The following ZNF426 variants were observed in gnomAD, a reference collection of about 807,000 sequenced individuals.
ZNF426 encodes the protein zinc finger protein 426, also known as CTC-543D15.7.
ZNF426 carries 23 observed loss-of-function variants against 24.0 expected under a neutral mutation model. The observed-to-expected ratio is 0.96, with a 90% CI of 0.69 to 1.36. The LOEUF (loss-of-function observed/expected upper bound fraction) is 1.36, where lower values mean the gene tolerates loss of function less well. Ranked by LOEUF, ZNF426 falls within the 40% of genes most tolerant of loss-of-function variation. The pLI, the probability that ZNF426 is intolerant of heterozygous loss-of-function variation, is 0.00. For synonymous variants in ZNF426, 272 were observed against 224.6 expected (o/e 1.21, Z -1.89); for missense variants, 646 against 658.4 (o/e 0.98, Z 0.21).
chr19:9,527,563 T>C lies in ZNF426; in HGVS notation c.*817A>G, dbSNP rs1280230468. The C allele has an allele frequency of 6.6e-6, 1 of 152,264 alleles. No individual in the cohort carries two copies. The highest frequency in any genetic ancestry group is 1.5e-5 in the Non-Finnish European group (1 of 68,046). 9.4% of individuals were successfully genotyped at this position (152,264 alleles called of 1,614,324 possible). A position where few individuals can be genotyped will look rare whatever the true frequency, so the allele number is the denominator to read the frequency against. On this transcript the variant is annotated 3_prime_UTR_variant, in exon 8 of 8. Coordinates refer to ENST00000253115, the MANE Select transcript of ZNF426 (RefSeq NM_024106.3). ...TCTCTCCTATGTGATTTCTCCTGTATGTAGAAAGGACTGAAGACTCAATGA... is the reference window on the plus strand; with the variant it reads ...TCTCTCCTATGTGATTTCTCCTGTACGTAGAAAGGACTGAAGACTCAATGA...
rs2073788404 is a variant in ZNF426 at position 9,526,000 on chromosome 19, A to C, written c.*2380T>G. ...CCACCACACCTGGAGTTTTAGTCAG[A>C]GCTTCAGTGACCTGGAGGAAGGGAA... is the stretch of plus-strand genomic sequence containing the variant. On this transcript the variant is annotated 3_prime_UTR_variant, in exon 8 of 8. Coordinates refer to ENST00000253115, the MANE Select transcript of ZNF426 (RefSeq NM_024106.3). 2.0e-5 allele frequency: 3 copies of C among 152,046 alleles called. No individual in the cohort carries two copies. The highest frequency in any genetic ancestry group is 7.3e-5 in the African/African-American group (3 of 41,360). 9.4% of individuals were successfully genotyped at this position (152,046 alleles called of 1,614,324 possible).
At chr19:9,531,910 G>C (rs377231085) in intron 6 of ZNF426, among the ~76,000 whole-genome samples, 1 of 152,086 alleles carries the variant, frequency 6.6e-6, no homozygotes, top group Admixed American at 6.6e-5. Context: ...GCATAAACCC[G>C]GGAGGTGGAG....
chr19:9,534,459 C>A (rs2073934770), intron 4 of ZNF426, among the ~76,000 whole-genome samples: 1 of 152,192 alleles, frequency 6.6e-6, no homozygotes, highest in African/African-American at 2.4e-5. Context: ...CCCCCTTCAG[C>A]CTCCCAAAGT....
chr19:9,528,403 GA>G lies in ZNF426; in HGVS notation c.1641del (p.Arg548GlufsTer14), dbSNP rs1568481125. The G allele has an allele frequency of 1.3e-6, 2 of 1,585,072 alleles. No individual in the cohort carries two copies. The highest frequency in any genetic ancestry group is 1.7e-6 in the Non-Finnish European group (2 of 1,167,544). The stretch of plus-strand genomic sequence containing the variant: ...CACTAGTGAATTTGTTCATGTCTTC[GA>G]AGTGAACGGGGATGACTGTAAGCTT... Reference protein sequence around the residue: ...CGKAYSHPRSLRRHEQIH With the variant: ...CGKAYSHPRSXRRHEQIH On this transcript the variant is annotated frameshift_variant, in exon 8 of 8. Coordinates refer to ENST00000253115, the MANE Select transcript of ZNF426 (RefSeq NM_024106.3). LOFTEE classifies it low-confidence loss of function (END_TRUNC).
chr19:9,532,098 C>T (rs994214636), intron 6 of ZNF426, among the ~76,000 whole-genome samples: 3 of 152,030 alleles, frequency 2.0e-5, no homozygotes, highest in South Asian at 2.1e-4. Flanking sequence ...TATGATTCTT[C>T]GATCTGGTAA....
At position 9,528,518 on chromosome 19, in the gene ZNF426, A is replaced by T. The variant is rs745716524; in HGVS notation, c.1527T>A (p.Cys509Ter). The T allele has an allele frequency of 4.9e-5, 79 of 1,614,000 alleles. No individual in the cohort carries two copies. Among genetic ancestry groups the T allele is most frequent in the Non-Finnish European group, 2.5e-6 (3 of 1,180,032 alleles). Reference sequence around the variant, plus strand: ...AACTGGAACACGTGAAGGCTTTCCCACACTCCTTGCATTCATAGGGTTTCT... The same window carrying T: ...AACTGGAACACGTGAAGGCTTTCCCTCACTCCTTGCATTCATAGGGTTTCT... ...TGEKPYECKE[C>*]GKAFTCSSSF... Residue 509 changes from cysteine (C) to a stop codon, truncating the protein, a stop_gained, in exon 8 of 8, where the codon TGT becomes TGA. Coordinates refer to ENST00000253115, the MANE Select transcript of ZNF426 (RefSeq NM_024106.3). LOFTEE classifies it low-confidence loss of function (END_TRUNC).
chr19:9,529,511 C>T lies in ZNF426; in HGVS notation c.534G>A (p.Gln178=). 1 of 1,613,352 alleles carries T rather than the reference C, an allele frequency of 6.2e-7. No individual in the cohort carries two copies. The highest frequency in any genetic ancestry group is 8.5e-7 in the Non-Finnish European group (1 of 1,180,018). Residue 178 remains glutamine (Q), a synonymous_variant, in exon 8 of 8, where the codon CAG becomes CAA. Transcript: ENST00000253115. ...QSTGNTHDCN[Q]YGKDFLTLCE... ...ACAGGGTAAGGAAATCTTTTCCATACTGATTACAGTCATGAGTGTTCCCTG... is the reference window on the plus strand; with the variant it reads ...ACAGGGTAAGGAAATCTTTTCCATATTGATTACAGTCATGAGTGTTCCCTG...
rs1364634352 is a variant in ZNF426 at position 9,524,312 on chromosome 19, A to T, written c.*4068T>A. 6.6e-6 allele frequency: 1 copy of T among 152,194 alleles called. No individual in the cohort carries two copies. The highest frequency in any genetic ancestry group is 2.4e-5 in the African/African-American group (1 of 41,442). The allele number at this position is 152,194 out of a possible 1,614,324, so 9.4% of individuals were successfully genotyped here. On this transcript the variant is annotated 3_prime_UTR_variant, in exon 8 of 8. Transcript: ENST00000253115. ...TGTGAATTCTTACAAGTTCATTATG[A>T]CCTGAGATAATAAAGAAGTGGTTCC...
chr19:9,536,621 A>G (rs1351155682), intron 2 of ZNF426: 2 of 265,978 alleles, frequency 7.5e-6, no homozygotes, highest in Non-Finnish European at 1.5e-5. Context: ...AGTTTTGCAC[A>G]CACACATAGA....
In ZNF426 at chr19:9,528,774, A is replaced by G. The variant is rs1439608930; in HGVS notation, c.1271T>C (p.Ile424Thr). The change falls in exon 8 of 8, where the codon ATA becomes ACA. Residue 424 changes from isoleucine to threonine, a missense_variant. Ile to Thr is a moderately conservative substitution (Grantham distance 89). Transcript: ENST00000253115. ...HTEEKACECK[I>T]CGKVFGYPSC... is the part of the protein sequence containing the mutation. ...GGGATACCCAAATACTTTCCCACATATCTTACACTCACAGGCCTTCTCTTC... is the reference window on the plus strand; with the variant it reads ...GGGATACCCAAATACTTTCCCACATGTCTTACACTCACAGGCCTTCTCTTC... 1.9e-6 allele frequency: 3 copies of G among 1,614,064 alleles called. No homozygotes were observed. In the East Asian group the frequency reaches 6.7e-5, roughly 36 times the overall value.
At chr19:9,536,950 C>T (rs1045622232) in intron 2 of ZNF426, among the ~76,000 whole-genome samples, 2 of 151,952 alleles carry the variant, frequency 1.3e-5, no homozygotes, top group Non-Finnish European at 2.9e-5. Context: ...CTAACCAACA[C>T]GGTGAAACTC....
rs1233011810 is a variant in ZNF426 at position 9,529,546 on chromosome 19, T to G, written c.499A>C (p.Thr167Pro). ...EHSCLKTHVR[T>P]QSTGNTHDCN... is the part of the protein sequence containing the mutation. Reference sequence around the variant, plus strand: ...TCATGAGTGTTCCCTGTACTTTGAGTTCTCACGTGCGTCTTAAGGCATGAG... The same window carrying G: ...TCATGAGTGTTCCCTGTACTTTGAGGTCTCACGTGCGTCTTAAGGCATGAG... Residue 167 changes from threonine (T) to proline (P), a missense_variant, in exon 8 of 8, where the codon ACT (threonine) becomes CCT (proline). Thr to Pro is a conservative substitution (Grantham distance 38, BLOSUM62 -1). Coordinates refer to ENST00000253115, the MANE Select transcript of ZNF426 (RefSeq NM_024106.3). 6.2e-7 allele frequency: 1 copy of G among 1,611,382 alleles called. No homozygotes were observed. Among genetic ancestry groups the G allele is most frequent in the East Asian group, 2.2e-5 (1 of 44,878 alleles).
intron 4 of ZNF426, among the ~76,000 whole-genome samples, chr19:9,534,982 C>T (rs1199250307): frequency 6.7e-6 from 1 of 149,824 alleles, no homozygotes; most frequent in Non-Finnish European, 1.5e-5. Context: ...TTGAGTGACA[C>T]TTTATTTGCT....
In ZNF426 at chr19:9,532,832, C is replaced by T; in HGVS notation, c.325+13G>A. On this transcript the variant is annotated intron_variant, in intron 6 of 7. Coordinates refer to ENST00000253115, the MANE Select transcript of ZNF426 (RefSeq NM_024106.3). ...CTTCTCATCAACCAGAGTTGTTCTT[C>T]ATGAACACTCACCTTGGAGAACTCC... 1.2e-6 allele frequency: 2 copies of T among 1,603,976 alleles called. No homozygotes were observed. Among genetic ancestry groups the T allele is most frequent in the Non-Finnish European group, 1.7e-6 (2 of 1,172,170 alleles).
In ZNF426 at chr19:9,528,672, T is replaced by G; in HGVS notation, c.1373A>C (p.Asn458Thr). The G allele has an allele frequency of 6.2e-7, 1 of 1,614,146 alleles. No individual in the cohort carries two copies. The change falls in exon 8 of 8, where the codon AAC becomes ACC. Residue 458 changes from asparagine to threonine, a missense_variant. Asn to Thr is a moderately conservative substitution (Grantham distance 65). Transcript: ENST00000253115. Reference protein sequence around the residue: ...YTCKECGKAFNYSTHLKIHMR... With the variant: ...YTCKECGKAFTYSTHLKIHMR... The stretch of plus-strand genomic sequence containing the variant: ...GTGAATTTTAAGGTGGGTGGAATAG[T>G]TAAAAGCCTTCCCACATTCCTTACA...
chr19:9,530,446 C>T (rs2073865934), intron 7 of ZNF426, among the ~76,000 whole-genome samples: 1 of 150,990 alleles, frequency 6.6e-6, no homozygotes. Context: ...ACAGCAAGAC[C>T]TTGTCTCGAC....
chr19:9,529,149 A>C lies in ZNF426; in HGVS notation c.896T>G (p.Met299Arg). ...TGGTTTCTCCCCAGTGTGGGTTCGCATGTGAATACTGAGGTAGGCTGGGTA... is the reference window on the plus strand; with the variant it reads ...TGGTTTCTCCCCAGTGTGGGTTCGCCTGTGAATACTGAGGTAGGCTGGGTA... Reference protein sequence around the residue: ...YRYPAYLSIHMRTHTGEKPYE... With the variant: ...YRYPAYLSIHRRTHTGEKPYE... Residue 299 changes from methionine to arginine, a missense_variant, in exon 8 of 8, where the codon ATG becomes AGG. By Grantham distance (91) the Met-to-Arg change is moderately conservative. Coordinates refer to ENST00000253115, the MANE Select transcript of ZNF426 (RefSeq NM_024106.3). 6.2e-7 allele frequency: 1 copy of C among 1,614,224 alleles called. No homozygotes were observed. Among genetic ancestry groups the C allele is most frequent in the South Asian group, 1.1e-5 (1 of 91,086 alleles).
chr19:9,525,338 G>A lies in ZNF426; in HGVS notation c.*3042C>T, dbSNP rs1161448907. On this transcript the variant is annotated 3_prime_UTR_variant, in exon 8 of 8. Transcript: ENST00000253115. ...TTTCAACATTTCTTATGCTGAAAGG[G>A]CATCTCTCCAGAGTAAATTTTCACA... 1.3e-5 allele frequency: 2 copies of A among 152,146 alleles called. No individual in the cohort carries two copies. Among genetic ancestry groups the A allele is most frequent in the Admixed American group, 6.5e-5 (1 of 15,272 alleles). 9.4% of individuals were successfully genotyped at this position (152,146 alleles called of 1,614,324 possible). A position where few individuals can be genotyped will look rare whatever the true frequency, so the allele number is the denominator to read the frequency against.
chr19:9,535,514 C>A (rs1377517890), intron 3 of ZNF426, among the ~76,000 whole-genome samples: 1 of 151,930 alleles, frequency 6.6e-6, no homozygotes, highest in Non-Finnish European at 1.5e-5. Flanking sequence ...ACGGTGAGAC[C>A]CCGTCTCTAC....
Sources: allele counts gnomAD v4.1 joint callset (sites outside exome capture counted in the v4.1 genomes callset), GRCh38; gene constraint gnomAD v4.1.1; transcripts MANE v1.5; gene names NCBI Gene and HGNC (gene_info 2026-07-23, HGNC 2026-07-21).